The following MAJIN variants were observed in gnomAD, a reference collection of about 807,000 sequenced individuals.
MAJIN encodes membrane anchored junction protein.
MAJIN carries 27 observed loss-of-function variants against 30.2 expected under a neutral mutation model. The observed-to-expected ratio is 0.89, with a 90% confidence interval of 0.66 to 1.23. The LOEUF (loss-of-function observed/expected upper bound fraction) is 1.23. MAJIN is among the 50% of genes most tolerant of loss of function. The probability of loss-of-function intolerance (pLI) is 0.00; values close to 1 mark genes in which losing one functional copy is unlikely to be tolerated. For missense variants in MAJIN, 253 were observed against 260.3 expected, an observed-to-expected ratio of 0.97 and a Z score of 0.19; for synonymous variants, 78 against 91.6, an observed-to-expected ratio of 0.85 and a Z score of 0.85.
chr11:64,968,719 C>T (rs569875943), intron 1 of MAJIN, among the ~76,000 whole-genome samples: 1 of 151,852 alleles, frequency 6.6e-6, no homozygotes, highest in African/African-American at 2.4e-5. Flanking sequence ...GTAGTCCCAG[C>T]TACTCAGGAG....
chr11:64,956,765 T>TG (rs1945639870), intron 3 of MAJIN, among the ~76,000 whole-genome samples: 1 of 144,622 alleles, frequency 6.9e-6, no homozygotes, highest in East Asian at 2.0e-4. Flanking sequence ...TATAAGCTGT[T>TG]TTTTTTTTTT....
rs34562472 is a variant in MAJIN, at chr11:64,959,093, C to CAAAA, written c.101+208_101+211dup. Among the ~76,000 whole-genome samples the CAAAA allele has an allele frequency of 7.5e-5, 4 of 53,578 alleles. No homozygotes were observed. In the East Asian group the frequency reaches 2.3e-3, roughly 30 times the overall value. The allele number at this position is 53,578 out of a possible 152,430, so 35.1% of individuals were successfully genotyped here. ...CAACATAGCGAGATCTGCTTCTCTT[C>CAAAA]AAAAAAAAAAAAAAAAAAAAAGTTG... On this transcript the variant is annotated intron_variant, in intron 3 of 10. Transcript: ENST00000301896.
chr11:64,939,792 A>G, intron 9 of MAJIN, 25 bp from the exon 10 acceptor site: 2 of 1,608,816 alleles, frequency 1.2e-6, no homozygotes, highest in East Asian at 2.2e-5. Context: ...ATCAGGCAGG[A>G]GCAAGATGTT....
chr11:64,946,265 C>A, intron 8 of MAJIN: 3 of 1,188,914 alleles, frequency 2.5e-6, no homozygotes, highest in Non-Finnish European at 3.4e-6. Flanking sequence ...TGTTATACTA[C>A]TCCTGGCTGG....
chr11:64,953,792 A>C (rs547223545), intron 4 of MAJIN, among the ~76,000 whole-genome samples: 1 of 152,264 alleles, frequency 6.6e-6, no homozygotes, highest in East Asian at 1.9e-4. Context: ...TCCATCTCAA[A>C]AAACAAACAA....
Position 64,940,621 on chromosome 11 carries a change from C to A in MAJIN, c.499G>T (p.Asp167Tyr), listed in dbSNP as rs1159699213. ...ATCAGAGGCCAGAGTCTCCTGCAAT[C>A]CTTGTTGGGTTTTTCTTTCCCTATT... Reference protein sequence around the residue: ...DRIGKEKPNKDCRRLWPLISL... With the variant: ...DRIGKEKPNKYCRRLWPLISL... Residue 167 changes from aspartate to tyrosine, a missense_variant, in exon 9 of 11, where the codon GAT becomes TAT. Coordinates refer to ENST00000301896, the MANE Select transcript of MAJIN (RefSeq NM_001037225.3). 5.0e-6 allele frequency: 8 copies of A among 1,613,926 alleles called. No individual in the cohort carries two copies. Among genetic ancestry groups the A allele is most frequent in the African/African-American group, 1.3e-5 (1 of 74,880 alleles).
At chr11:64,950,584 T>C (rs1014664175) in intron 4 of MAJIN, among the ~76,000 whole-genome samples, 154 bp from the exon 5 acceptor site, 2 of 152,056 alleles carry the variant, frequency 1.3e-5, no homozygotes, top group Admixed American at 1.3e-4. Context: ...TTCTTTTTCT[T>C]TCTTTCTTTC....
At chr11:64,943,536 C>T (rs1945407999) in intron 8 of MAJIN, among the ~76,000 whole-genome samples, 1 of 152,208 alleles carries the variant, frequency 6.6e-6, no homozygotes, top group Non-Finnish European at 1.5e-5. Flanking sequence ...TCAATTTTTC[C>T]AGCTCAAGTG....
chr11:64,953,658 G>C (rs1372689676), intron 4 of MAJIN, among the ~76,000 whole-genome samples: 1 of 152,168 alleles, frequency 6.6e-6, no homozygotes, highest in Admixed American at 6.5e-5. Flanking sequence ...GGGCGTGGTG[G>C]TGCACATCGG....
At chr11:64,961,620 C>G (rs905294554) in intron 1 of MAJIN, among the ~76,000 whole-genome samples, 55 of 150,952 alleles carry the variant, frequency 3.6e-4, no homozygotes, top group African/African-American at 1.3e-3. Flanking sequence ...GGACTACAGG[C>G]GCCCGCCACC....
chr11:64,948,998 C>T (rs1393671232), intron 6 of MAJIN, among the ~76,000 whole-genome samples: 2 of 150,514 alleles, frequency 1.3e-5, no homozygotes, highest in African/African-American at 2.4e-5. Flanking sequence ...ACTTGTCCCT[C>T]AATCAACAAA....
intron 9 of MAJIN, chr11:64,940,015 G>A (rs1945350557): frequency 5.0e-6 from 2 of 396,064 alleles, no homozygotes; most frequent in Admixed American, 8.5e-5. Flanking sequence ...CATGCACTCT[G>A]GCTGGTATGT....
chr11:64,952,545 G>A (rs1223059123), intron 4 of MAJIN, among the ~76,000 whole-genome samples: 1 of 152,110 alleles, frequency 6.6e-6, no homozygotes, highest in Admixed American at 6.6e-5. Flanking sequence ...AGGCAATTCT[G>A]TTATTCCCAT....
intron 6 of MAJIN, among the ~76,000 whole-genome samples, chr11:64,948,404 T>C (rs536889641): frequency 1.3e-5 from 2 of 151,224 alleles, no homozygotes; most frequent in South Asian, 4.2e-4. Context: ...AGGGGAGATA[T>C]TTTGAGGCAA....
intron 4 of MAJIN, among the ~76,000 whole-genome samples, chr11:64,952,992 A>G (rs1263026927): frequency 6.6e-6 from 1 of 152,224 alleles, no homozygotes; most frequent in African/African-American, 2.4e-5. Context: ...GGTGTGAGCC[A>G]CAGCGCCCAG....
At position 64,945,854 on chromosome 11, in the gene MAJIN, C is replaced by G. The variant is rs576308287; in HGVS notation, c.473+1520G>C. Among the ~76,000 whole-genome samples, 3 of 152,206 alleles carry G rather than the reference C, an allele frequency of 2.0e-5. No homozygotes were observed. In the South Asian group the frequency reaches 6.2e-4, roughly 32 times the overall value. ...ACCAGGCAAAGAGAGGACTTTTTAACAAAAAAATTCATCGATGCGTGTATT... is the reference window on the plus strand; with the variant it reads ...ACCAGGCAAAGAGAGGACTTTTTAAGAAAAAAATTCATCGATGCGTGTATT... On this transcript the variant is annotated intron_variant, in intron 8 of 10. Transcript: ENST00000301896.
intron 3 of MAJIN, among the ~76,000 whole-genome samples, chr11:64,958,505 G>C (rs895354730): frequency 6.7e-6 from 1 of 149,274 alleles, no homozygotes; most frequent in Non-Finnish European, 1.5e-5. Flanking sequence ...TGTAGTCCTA[G>C]CTTCTCTGGA....
At chr11:64,971,087 G>A (rs1426337865) in intron 1 of MAJIN, among the ~76,000 whole-genome samples, 3 of 152,056 alleles carry the variant, frequency 2.0e-5, no homozygotes, top group Non-Finnish European at 4.4e-5. Flanking sequence ...CTGAAATCAG[G>A]AGTTCGAGAT....
intron 8 of MAJIN, chr11:64,946,015 A>C (rs1945446057): frequency 2.9e-6 from 4 of 1,375,880 alleles, no homozygotes; most frequent in Admixed American, 2.8e-5. Context: ...CGGAATCCTG[A>C]CTTGTAACAG....
Sources: gnomAD v4.1 joint callset for allele counts (sites outside exome capture counted in the v4.1 genomes callset) on GRCh38, gnomAD v4.1.1 for gene constraint, MANE v1.5 for transcripts, NCBI Gene and HGNC (gene_info 2026-07-23, HGNC 2026-07-21) for gene names.